Variants in NEK10 observed in about 807,000 individuals in gnomAD.
NEK10 encodes NIMA related kinase 10.
In NEK10, 122 loss-of-function variants were observed where a neutral mutation model predicts 159.8. The ratio of observed to expected loss-of-function variants is 0.76; its 90% CI spans 0.66 to 0.89. The LOEUF (loss-of-function observed/expected upper bound fraction) is 0.89, where lower values mean the gene tolerates loss of function less well. Among genes scored for constraint, NEK10 ranks in the 40% least tolerant of loss-of-function variants. NEK10 has a pLI of 0.00. For synonymous variants in NEK10, 466 were observed against 457.1 expected (o/e 1.02, Z -0.25); for missense variants, 1,342 against 1,323.1 (o/e 1.01, Z -0.22).
At chr3:27,308,640 G>T (rs1241542034) in intron 10 of NEK10, among the ~76,000 whole-genome samples, 1 of 152,106 alleles carries the variant, frequency 6.6e-6, no homozygotes, top group Non-Finnish European at 1.5e-5. Context: ...AACTGCCAAA[G>T]AAATATTATG....
chr3:27,115,806 C>T (rs946918038), intron 35 of NEK10, 134 bp downstream of exon 35: 16 of 674,592 alleles, frequency 2.4e-5, no homozygotes, highest in Non-Finnish European at 4.0e-5. Context: ...TAGTCTAAGC[C>T]AAGATATTTT....
intron 26 of NEK10, among the ~76,000 whole-genome samples, chr3:27,175,688 C>T (rs1229379121): frequency 1.3e-5 from 2 of 152,126 alleles, no homozygotes; most frequent in African/African-American, 2.4e-5. Flanking sequence ...TCGCAGCAAG[C>T]GTGAAGAGCC....
At chr3:27,124,384 T>C (rs375475218) in intron 32 of NEK10, among the ~76,000 whole-genome samples, 1 of 152,300 alleles carries the variant, frequency 6.6e-6, no homozygotes, top group African/African-American at 2.4e-5. Context: ...GACTGAATAT[T>C]CTTATTTAAC....
intron 23 of NEK10, among the ~76,000 whole-genome samples, chr3:27,238,846 G>T (rs1039164264): frequency 6.6e-6 from 1 of 151,388 alleles, no homozygotes. Flanking sequence ...CCACAGAGCA[G>T]GGGCAGGCTG....
In NEK10 at chr3:27,141,411, T is replaced by C. The variant is rs570025182; in HGVS notation, c.2970+71A>G. ...GAATTCAATCTAAAGTCCTCCAAAA[T>C]AGTTCTTCAGCAATATTAGCACCAA... is the stretch of plus-strand genomic sequence containing the variant. On this transcript the variant is annotated intron_variant, in intron 31 of 35. Coordinates refer to ENST00000691995, the MANE Select transcript of NEK10 (RefSeq NM_001394966.1). 24 of 1,145,706 alleles carry C rather than the reference T, an allele frequency of 2.1e-5. No homozygotes were observed. The East Asian group carries it at 5.1e-4, about 24-fold the overall frequency. The allele number at this position is 1,145,706 out of a possible 1,614,324, so 71.0% of individuals were successfully genotyped here.
At chr3:27,285,854 G>A (rs1480394152) in intron 20 of NEK10, among the ~76,000 whole-genome samples, 2 of 151,988 alleles carry the variant, frequency 1.3e-5, no homozygotes, top group African/African-American at 4.8e-5. Flanking sequence ...CTTTCTGCTG[G>A]TTGTATGGTA....
intron 18 of NEK10, 69 bp from the exon 19 acceptor site, chr3:27,290,823 G>C: frequency 8.2e-7 from 1 of 1,212,276 alleles, no homozygotes; most frequent in Non-Finnish European, 1.2e-6. Flanking sequence ...GAAAGAGGAA[G>C]AAAGAGATAG....
chr3:27,174,824 C>G lies in NEK10; in HGVS notation c.2515G>C (p.Glu839Gln), dbSNP rs1278392525. 6.3e-7 allele frequency: 1 copy of G among 1,589,638 alleles called. No homozygotes were observed. Among genetic ancestry groups the G allele is most frequent in the Non-Finnish European group, 8.5e-7 (1 of 1,171,246 alleles). ...ELAVLSHETF[E>Q]KASLSSSSSG... Reference sequence around the variant, plus strand: ...CTGCTGCTACTCAAACTTGCCTTCTCAAAGGTCTCCTGGAAAGAGAAATTC... The same window carrying G: ...CTGCTGCTACTCAAACTTGCCTTCTGAAAGGTCTCCTGGAAAGAGAAATTC... The change falls in exon 27 of 36, where the codon GAG becomes CAG. Residue 839 changes from glutamate (E) to glutamine (Q), a missense_variant. By Grantham distance (29) the Glu-to-Gln change is conservative. Transcript: ENST00000691995.
chr3:27,162,639 C>G (rs1465062499), intron 30 of NEK10, 62 bp downstream of exon 30: 2 of 1,613,926 alleles, frequency 1.2e-6, no homozygotes, highest in Non-Finnish European at 1.7e-6. Flanking sequence ...GAAACTGTAA[C>G]ATAAATTACA....
intron 33 of NEK10, among the ~76,000 whole-genome samples, chr3:27,118,233 T>C (rs1940768113): frequency 6.6e-6 from 1 of 152,226 alleles, no homozygotes; most frequent in African/African-American, 2.4e-5. Flanking sequence ...TGTAGTATAG[T>C]TTGAAGTCAG....
intron 13 of NEK10, among the ~76,000 whole-genome samples, chr3:27,298,979 G>C (rs1220155056): frequency 6.6e-6 from 1 of 152,184 alleles, no homozygotes; most frequent in Non-Finnish European, 1.5e-5. Flanking sequence ...TGGAAAATTT[G>C]CCATCTGACA....
chr3:27,213,617 A>T (rs1951217146), intron 23 of NEK10, among the ~76,000 whole-genome samples: 1 of 152,176 alleles, frequency 6.6e-6, no homozygotes, highest in Non-Finnish European at 1.5e-5. Context: ...TCAGGCCGTG[A>T]TAGGTAAGGG....
At chr3:27,252,853 C>T (rs769091105) in intron 23 of NEK10, 1 of 502,406 alleles carries the variant, frequency 2.0e-6, no homozygotes, top group Non-Finnish European at 4.0e-6. Context: ...TTGGCAGAGG[C>T]CAGAGAATGC....
At chr3:27,183,695 C>T (rs1948353538) in intron 26 of NEK10, among the ~76,000 whole-genome samples, 1 of 152,008 alleles carries the variant, frequency 6.6e-6, no homozygotes, top group African/African-American at 2.4e-5. Flanking sequence ...ACAATAGGCT[C>T]ATTATCTGGC....
At position 27,143,343 on chromosome 3, in the gene NEK10, T is replaced by C. The variant is rs576723063; in HGVS notation, c.2870-1761A>G. 1.9e-5 allele frequency: 11 copies of C among 580,728 alleles called. No individual in the cohort carries two copies. The South Asian group carries it at 2.0e-4, about 11-fold the overall frequency. 36.0% of individuals were successfully genotyped at this position (580,728 alleles called of 1,614,324 possible). A position where few individuals can be genotyped will look rare whatever the true frequency, so the allele number is the denominator to read the frequency against. On this transcript the variant is annotated intron_variant, in intron 30 of 35. Coordinates refer to ENST00000691995, the MANE Select transcript of NEK10 (RefSeq NM_001394966.1). ...TTGTAGATGCAACATTCATAGTTTA[T>C]AGATTCATAGATTTTAATGAGTTAA...
intron 5 of NEK10, among the ~76,000 whole-genome samples, chr3:27,331,102 T>G (rs954736108): frequency 6.6e-6 from 1 of 151,678 alleles, no homozygotes; most frequent in Non-Finnish European, 1.5e-5. Context: ...CCAATCGTGG[T>G]GGCAGGCACC....
At chr3:27,275,300 T>A (rs1025821458) in intron 22 of NEK10, among the ~76,000 whole-genome samples, 3 of 152,234 alleles carry the variant, frequency 2.0e-5, no homozygotes, top group East Asian at 3.8e-4. Flanking sequence ...TTAAAGTACT[T>A]CAGAAATTGG....
rs540916037 is a variant in NEK10, at chr3:27,162,474, A to T, written c.2869+227T>A. 5.6e-6 allele frequency: 9 copies of T among 1,614,116 alleles called. No homozygotes were observed. The African/African-American group carries it at 1.1e-4, about 19-fold the overall frequency. On this transcript the variant is annotated intron_variant, in intron 30 of 35. Coordinates refer to ENST00000691995, the MANE Select transcript of NEK10 (RefSeq NM_001394966.1). ...AGTAAGTACTACCATGATCTTTGAG[A>T]TTTCGAAGAATCACAGCAGGAAGGC...
intron 19 of NEK10, among the ~76,000 whole-genome samples, chr3:27,290,384 T>C (rs1489055967): frequency 6.6e-6 from 1 of 152,216 alleles, no homozygotes; most frequent in African/African-American, 2.4e-5. Flanking sequence ...ATGCATTCTG[T>C]ACTGTAAATC....
Sources: allele counts gnomAD v4.1 joint callset (sites outside exome capture counted in the v4.1 genomes callset), GRCh38; gene constraint gnomAD v4.1.1; transcripts MANE v1.5; gene names NCBI Gene and HGNC (gene_info 2026-07-23, HGNC 2026-07-21).